DNAH11: variants seen among roughly 807,000 people sequenced by gnomAD.
The protein encoded by DNAH11 is axonemal beta dynein heavy chain 11.
Under a neutral mutation model 526.0 loss-of-function variants are expected in DNAH11, and 442 were observed. The observed-to-expected ratio is 0.84, with a 90% confidence interval of 0.78 to 0.91. The LOEUF is 0.91. DNAH11 is among the 40% of genes least tolerant of loss of function. DNAH11 has a pLI of 0.00. For synonymous variants in DNAH11, 2,461 were observed against 1,935.9 expected (o/e 1.27, Z -7.12); for missense variants, 6,989 against 5,448.7 (o/e 1.28, Z -8.90).
intron 28 of DNAH11, among the ~76,000 whole-genome samples, chr7:21,641,115 A>AC (rs1276708424): frequency 6.6e-6 from 1 of 152,154 alleles, no homozygotes; most frequent in Admixed American, 6.5e-5. Context: ...GTAACCAGCC[A>AC]CCTGGTTCCA....
At position 21,773,750 on chromosome 7, in the gene DNAH11, A is replaced by G. The variant is rs1787539429; in HGVS notation, c.9103-16A>G. On this transcript the variant is annotated splice_polypyrimidine_tract_variant and intron_variant, in intron 55 of 81. Transcript: ENST00000409508. ...TTGAGAGGATTTCACATGAACTGTA[A>G]TGTTTGTGTTTTCAGCCAGTGCACA... 4.1e-6 allele frequency: 6 copies of G among 1,467,518 alleles called. No homozygotes were observed. Among genetic ancestry groups the G allele is most frequent in the Non-Finnish European group, 5.5e-6 (6 of 1,092,958 alleles). 90.9% of individuals were successfully genotyped at this position (1,467,518 alleles called of 1,614,324 possible).
rs185033022 is a variant in DNAH11 at position 21,751,676 on chromosome 7, C to T, written c.8940+1312C>T. 1.1e-3 allele frequency among the ~76,000 whole-genome samples: 169 copies of T among 152,208 alleles called. 2 individuals are homozygous for T. The highest frequency in any genetic ancestry group is 3.5e-3 in the African/African-American group (146 of 41,540). The stretch of plus-strand genomic sequence containing the variant: ...GGTACTGGCATTGGCCCTGAATATG[C>T]CTTAGATTGGAGGTTAAGGAGCAGA... On this transcript the variant is annotated intron_variant, in intron 54 of 81. Coordinates refer to ENST00000409508, the MANE Select transcript of DNAH11 (RefSeq NM_001277115.2).
chr7:21,630,694 C>A (rs551781663), intron 25 of DNAH11, among the ~76,000 whole-genome samples: 2 of 152,120 alleles, frequency 1.3e-5, no homozygotes, highest in Non-Finnish European at 2.9e-5. Context: ...TGTCTCTTGT[C>A]AAATTGGAGC....
chr7:21,640,508 C>CTTTTTTTTTTTTTTTT (rs144316063), intron 28 of DNAH11, among the ~76,000 whole-genome samples: 26 of 149,258 alleles, frequency 1.7e-4, no homozygotes, highest in African/African-American at 6.2e-4. Flanking sequence ...GGTAAGCATT[C>CTTTTTTTTTTTTTTTT]TTTTTCTTTT....
chr7:21,887,341 T>C (rs1784162924), intron 76 of DNAH11, among the ~76,000 whole-genome samples: 2 of 152,222 alleles, frequency 1.3e-5, no homozygotes, highest in South Asian at 4.1e-4. Context: ...ACATAAAGCA[T>C]GTATTTGGCA....
intron 74 of DNAH11, among the ~76,000 whole-genome samples, chr7:21,877,252 C>G (rs548557805): frequency 2.6e-4 from 39 of 152,232 alleles, no homozygotes; most frequent in Non-Finnish European, 4.9e-4. Context: ...CTCTGTCACC[C>G]AGGCTGAAGT....
At chr7:21,546,298 C>T (rs570617532) in intron 2 of DNAH11, among the ~76,000 whole-genome samples, 1 of 152,332 alleles carries the variant, frequency 6.6e-6, no homozygotes, top group East Asian at 1.9e-4. Flanking sequence ...TTTCCCTTCG[C>T]TCCTGTTGAA....
intron 54 of DNAH11, among the ~76,000 whole-genome samples, chr7:21,761,658 G>T (rs1376663264): frequency 6.6e-6 from 1 of 152,058 alleles, no homozygotes; most frequent in Non-Finnish European, 1.5e-5. Flanking sequence ...TTTCCAACCA[G>T]CTCCTAGACA....
At chr7:21,832,466 C>T (rs1287319979) in intron 65 of DNAH11, among the ~76,000 whole-genome samples, 2 of 152,086 alleles carry the variant, frequency 1.3e-5, no homozygotes, top group Non-Finnish European at 2.9e-5. Context: ...GTAAATATTC[C>T]TCCATCCCTT....
chr7:21,635,738 A>T, intron 25 of DNAH11, 133 bp from the exon 26 acceptor site: 3 of 627,358 alleles, frequency 4.8e-6, no homozygotes, highest in Non-Finnish European at 7.5e-6. Flanking sequence ...AAAACTTATT[A>T]AATGCCAGTT....
At chr7:21,744,801 C>T (rs1362858531) in intron 50 of DNAH11, 69 bp from the exon 51 acceptor site, 2 of 1,530,658 alleles carry the variant, frequency 1.3e-6, no homozygotes, top group South Asian at 1.2e-5. Context: ...CCTTGCTAGG[C>T]CATGCTGCCT....
rs938335567 is a variant in DNAH11 at position 21,635,154 on chromosome 7, G to A, written c.4501-717G>A. 4.0e-5 allele frequency among the ~76,000 whole-genome samples: 5 copies of A among 124,604 alleles called. No individual in the cohort carries two copies. In the South Asian group the frequency reaches 8.9e-4, roughly 22 times the overall value. 81.7% of individuals were successfully genotyped at this position (124,604 alleles called of 152,430 possible). A position where few individuals can be genotyped will look rare whatever the true frequency, so the allele number is the denominator to read the frequency against. On this transcript the variant is annotated intron_variant, in intron 25 of 81. Coordinates refer to ENST00000409508, the MANE Select transcript of DNAH11 (RefSeq NM_001277115.2). Reference sequence around the variant, plus strand: ...CTGGTGGGGGGCAGTTTGTTTGTTTGTTTGTTTGTTTGTTTGTTTGAGACA... The same window carrying A: ...CTGGTGGGGGGCAGTTTGTTTGTTTATTTGTTTGTTTGTTTGTTTGAGACA...
intron 42 of DNAH11, among the ~76,000 whole-genome samples, chr7:21,712,326 A>G (rs1309857411): frequency 6.6e-6 from 1 of 152,222 alleles, no homozygotes; most frequent in Admixed American, 6.5e-5. Flanking sequence ...ATTGTGAACA[A>G]TGCTGCTGTA....
In DNAH11 at chr7:21,884,349, C is replaced by T. The variant is rs1583810401; in HGVS notation, c.12446C>T (p.Thr4149Ile). The T allele has an allele frequency of 6.2e-7, 1 of 1,613,478 alleles. No homozygotes were observed. Among genetic ancestry groups the T allele is most frequent in the East Asian group, 2.2e-5 (1 of 44,864 alleles). Residue 4149 changes from threonine (T) to isoleucine (I), a missense_variant, in exon 76 of 82, where the codon ACA becomes ATA. Thr to Ile is a moderately conservative substitution (Grantham distance 89). Coordinates refer to ENST00000409508, the MANE Select transcript of DNAH11 (RefSeq NM_001277115.2). ...GAGATCATGTATGGAGGCCACATCACAGATGACTGGGATCGCAAACTGTGT... is the reference window on the plus strand; with the variant it reads ...GAGATCATGTATGGAGGCCACATCATAGATGACTGGGATCGCAAACTGTGT... ...FGEIMYGGHI[T>I]DDWDRKLCRV...
intron 49 of DNAH11, among the ~76,000 whole-genome samples, chr7:21,742,930 G>A (rs1785976159): frequency 6.6e-6 from 1 of 152,154 alleles, no homozygotes; most frequent in Non-Finnish European, 1.5e-5. Flanking sequence ...CAGATTCAGT[G>A]TCTGGTGAGG....
intron 55 of DNAH11, among the ~76,000 whole-genome samples, chr7:21,771,050 A>G (rs984849251): frequency 2.6e-5 from 4 of 152,250 alleles, no homozygotes; most frequent in Non-Finnish European, 4.4e-5. Flanking sequence ...TCAGTTTGAC[A>G]TATTTAAAAT....
intron 25 of DNAH11, 128 bp downstream of exon 25, chr7:21,620,206 C>T (rs919106201): frequency 1.2e-5 from 10 of 840,532 alleles, no homozygotes; most frequent in Admixed American, 3.7e-5. Context: ...TCAGGCTAAC[C>T]GTCATCTCAT....
At chr7:21,599,418 G>A (rs1028068976) in intron 14 of DNAH11, among the ~76,000 whole-genome samples, 18 of 152,142 alleles carry the variant, frequency 1.2e-4, no homozygotes, top group African/African-American at 2.9e-4. Context: ...TTATTTATAC[G>A]GAAGGCCCTG....
chr7:21,619,566 T>A (rs945733818), intron 24 of DNAH11, among the ~76,000 whole-genome samples: 3 of 152,160 alleles, frequency 2.0e-5, no homozygotes, highest in Non-Finnish European at 4.4e-5. Flanking sequence ...GAAACTGAGG[T>A]ATAAAGAGAT....
Sources: allele counts gnomAD v4.1 joint callset (sites outside exome capture counted in the v4.1 genomes callset), GRCh38; gene constraint gnomAD v4.1.1; transcripts MANE v1.5; gene names NCBI Gene and HGNC (gene_info 2026-07-23, HGNC 2026-07-21).